Variants in ZMYM2 observed in about 807,000 individuals in gnomAD.
ZMYM2 encodes the protein zinc finger MYM-type protein 2.
ZMYM2 carries 56 observed loss-of-function variants against 162.8 expected under a neutral mutation model. The observed-to-expected ratio is 0.34, with a 90% CI of 0.28 to 0.43. The LOEUF is 0.43. ZMYM2 is among the 20% of genes least tolerant of loss of function. ZMYM2 has a pLI of 1.00. For synonymous variants in ZMYM2, 510 were observed against 541.6 expected (o/e 0.94, Z 0.81); for missense variants, 1,275 against 1,621.8 (o/e 0.79, Z 3.67).
At position 19,993,116 on chromosome 13, in the gene ZMYM2, C is replaced by G. The variant is rs777057403; in HGVS notation, c.44C>G (p.Thr15Ser). The G allele has an allele frequency of 2.5e-6, 4 of 1,613,794 alleles. No individual in the cohort carries two copies. The highest frequency in any genetic ancestry group is 3.4e-6 in the Non-Finnish European group (4 of 1,179,896). The part of the protein sequence containing the change: ...SVGGLELTDQ[T>S]PVLLGSTAMA... ...GGAGGATTAGAATTGACTGATCAGA[C>G]TCCTGTTTTATTAGGGAGTACGGCC... Residue 15 changes from threonine to serine, a missense_variant, in exon 3 of 25, where the codon ACT becomes AGT. Coordinates refer to ENST00000610343, the MANE Select transcript of ZMYM2 (RefSeq NM_197968.4).
the ZMYM2 span, among the ~76,000 whole-genome samples, chr13:19,901,045 C>T: frequency 6.6e-6 from 1 of 152,034 alleles, no homozygotes; most frequent in Non-Finnish European, 1.5e-5. Flanking sequence ...TTCATGTAGC[C>T]TTTCCTTGGT....
the ZMYM2 span, among the ~76,000 whole-genome samples, chr13:19,938,420 C>T: frequency 6.6e-6 from 1 of 152,144 alleles, no homozygotes; most frequent in East Asian, 1.9e-4. Flanking sequence ...ATCACTTGAA[C>T]CTGGGAGGCC....
At chr13:19,937,624 A>T in the ZMYM2 span, among the ~76,000 whole-genome samples, 10 of 147,074 alleles carry the variant, frequency 6.8e-5, no homozygotes, top group East Asian at 2.0e-4. Flanking sequence ...TTTTTAAATT[A>T]TTTTTTTTAT....
rs749722536 is a variant in ZMYM2 at position 19,993,361 on chromosome 13, T to G, written c.289T>G (p.Ser97Ala). Residue 97 changes from serine (S) to alanine (A), a missense_variant, in exon 3 of 25, where the codon TCC (serine) becomes GCC (alanine). Ser to Ala is a moderately conservative substitution (Grantham distance 99, BLOSUM62 1). Around this residue, in one of 10 missense-constraint regions of ZMYM2, gnomAD observed 295 missense variants for 286.7 expected, o/e 1.03. Transcript: ENST00000610343. ...SKNEELQGND[S>A]KITPSSKELA... ...AAATGAAGAACTACAAGGAAATGAT[T>G]CCAAAATTACTCCTTCCTCAAAAGA... 7.4e-6 allele frequency: 12 copies of G among 1,613,630 alleles called. No individual in the cohort carries two copies. In the East Asian group the frequency reaches 1.6e-4, roughly 21 times the overall value.
At chr13:20,083,880 A>G in intron 24 of ZMYM2, 104 bp downstream of exon 24, 1 of 1,191,154 alleles carries the variant, frequency 8.4e-7, no homozygotes, top group South Asian at 1.4e-5. Flanking sequence ...TCTTTCTCAG[A>G]TTTCTTCTCT....
the ZMYM2 span, among the ~76,000 whole-genome samples, chr13:19,949,234 A>AC: frequency 9.9e-5 from 15 of 151,914 alleles, no homozygotes; most frequent in African/African-American, 3.4e-4. Context: ...ACATGGTGAA[A>AC]CCCCATCTCT....
At chr13:19,990,879 CT>C (rs1483398905) in intron 2 of ZMYM2, among the ~76,000 whole-genome samples, 2 of 152,176 alleles carry the variant, frequency 1.3e-5, no homozygotes, top group Non-Finnish European at 2.9e-5. Flanking sequence ...ATAGTCTATA[CT>C]TGCCCTTCAG....
In ZMYM2 at chr13:20,036,759, G is replaced by C; in HGVS notation, c.2142G>C (p.Gln714His). 6.4e-7 allele frequency: 1 copy of C among 1,568,862 alleles called. No homozygotes were observed. The highest frequency in any genetic ancestry group is 8.6e-7 in the Non-Finnish European group (1 of 1,158,874). The change falls in exon 12 of 25, where the codon CAG becomes CAC. Residue 714 changes from glutamine to histidine, a missense_variant. This residue lies in a region of ZMYM2 where 177 missense variants were observed against 228.0 expected (regional missense o/e 0.78). Coordinates refer to ENST00000610343, the MANE Select transcript of ZMYM2 (RefSeq NM_197968.4). Reference protein sequence around the residue: ...CSEGCKLLYKQDFARRLGLRC... With the variant: ...CSEGCKLLYKHDFARRLGLRC... ...CAGGCTGCAAATTATTATACAAACA[G>C]GATTTTGCCAGACGTTTAGGATTGA...
At chr13:20,015,698 C>T (rs1951562992) in intron 6 of ZMYM2, among the ~76,000 whole-genome samples, 1 of 151,972 alleles carries the variant, frequency 6.6e-6, no homozygotes, top group Admixed American at 6.6e-5. Flanking sequence ...GTTATATCTT[C>T]TTGGTAAGTA....
chr13:19,974,788 A>C (rs1956641312), intron 2 of ZMYM2, among the ~76,000 whole-genome samples: 1 of 152,158 alleles, frequency 6.6e-6, no homozygotes, highest in African/African-American at 2.4e-5. Flanking sequence ...AAAATATGAG[A>C]TAATATATCT....
the ZMYM2 span, among the ~76,000 whole-genome samples, chr13:19,879,661 C>T: frequency 4.9e-4 from 74 of 152,222 alleles, no homozygotes; most frequent in African/African-American, 1.6e-3. Flanking sequence ...TTAGAGTGGG[C>T]TTTTCTATTT....
chr13:20,049,024 T>C (rs899934659), intron 12 of ZMYM2, among the ~76,000 whole-genome samples: 3 of 152,008 alleles, frequency 2.0e-5, no homozygotes, highest in African/African-American at 7.2e-5. Flanking sequence ...TGGTCATTAA[T>C]GATCTTTTTA....
intron 7 of ZMYM2, among the ~76,000 whole-genome samples, chr13:20,021,920 CTG>C (rs1427899925): frequency 2.6e-5 from 4 of 152,180 alleles, no homozygotes; most frequent in Non-Finnish European, 5.9e-5. Context: ...CATCAGTACT[CTG>C]TTTCCCAAAT....
intron 12 of ZMYM2, among the ~76,000 whole-genome samples, chr13:20,042,236 C>T (rs1697817120): frequency 6.6e-6 from 1 of 152,142 alleles, no homozygotes; most frequent in African/African-American, 2.4e-5. Context: ...TGCCATATTT[C>T]CTGGAGGTTT....
chr13:19,959,911 C>CAAA (rs1390571892), intron 1 of ZMYM2, 47 bp from the exon 2 acceptor site: 1 of 152,314 alleles, frequency 6.6e-6, no homozygotes, highest in Non-Finnish European at 1.5e-5. Flanking sequence ...GTTCTCCCAC[C>CAAA]AGGTTGTGTG....
rs756840601 is a variant in ZMYM2, at chr13:20,019,676, T to G, written c.1584+58T>G. 2.8e-6 allele frequency: 4 copies of G among 1,431,842 alleles called. No homozygotes were observed. In the African/African-American group the frequency reaches 5.7e-5, roughly 20 times the overall value. 88.7% of individuals were successfully genotyped at this position (1,431,842 alleles called of 1,614,324 possible). A position where few individuals can be genotyped will look rare whatever the true frequency, so the allele number is the denominator to read the frequency against. The stretch of plus-strand genomic sequence containing the variant: ...TAACATTTTTGAGCACTGCTACTAC[T>G]GTCATTAATATGTATCTGAAAAATC... On this transcript the variant is annotated intron_variant, in intron 7 of 24. Transcript: ENST00000610343.
At chr13:19,935,992 G>A in the ZMYM2 span, among the ~76,000 whole-genome samples, 1 of 152,108 alleles carries the variant, frequency 6.6e-6, no homozygotes. Context: ...TCATAGGAGC[G>A]TTTCAAAACA....
the ZMYM2 span, among the ~76,000 whole-genome samples, chr13:19,884,408 A>G: frequency 6.6e-6 from 1 of 152,108 alleles, no homozygotes. Flanking sequence ...ACCCCCATCT[A>G]TGACTAACGA....
the ZMYM2 span, among the ~76,000 whole-genome samples, chr13:19,904,354 C>T: frequency 1.9e-3 from 284 of 151,594 alleles, no homozygotes; most frequent in African/African-American, 6.4e-3. Context: ...GTCCGGAGTT[C>T]GCGACCAGCC....
Sources: gnomAD v4.1 joint callset for allele counts (sites outside exome capture counted in the v4.1 genomes callset) on GRCh38, gnomAD v4.1.1 for gene constraint, gnomAD v4.1.1 regional missense constraint, MANE v1.5 for transcripts, NCBI Gene and HGNC (gene_info 2026-07-23, HGNC 2026-07-21) for gene names.